Variants in SEMA3E observed in about 807,000 individuals in gnomAD.
SEMA3E encodes the protein semaphorin 3E.
SEMA3E carries 49 observed loss-of-function variants against 93.6 expected under a neutral mutation model. The ratio of observed to expected loss-of-function variants is 0.52; its 90% CI spans 0.42 to 0.66. The LOEUF is 0.66. Ranked by LOEUF, SEMA3E falls within the 30% of genes least tolerant of loss-of-function variation. The pLI is 0.00. For missense variants in SEMA3E, 906 were observed against 964.8 expected, an observed-to-expected ratio of 0.94 and a Z score of 0.81; for synonymous variants, 363 against 330.7, an observed-to-expected ratio of 1.10 and a Z score of -1.06.
chr7:83,534,380 G>C (rs1680932550), intron 1 of SEMA3E, among the ~76,000 whole-genome samples: 1 of 151,768 alleles, frequency 6.6e-6, no homozygotes, highest in African/African-American at 2.4e-5. Context: ...AATTCTCTTG[G>C]GTTTCTAAGG....
chr7:83,610,209 C>T (rs1793221601), intron 1 of SEMA3E, among the ~76,000 whole-genome samples: 1 of 151,964 alleles, frequency 6.6e-6, no homozygotes, highest in South Asian at 2.1e-4. Context: ...ACCAATCTAT[C>T]CTGTCTTTCT....
intron 2 of SEMA3E, among the ~76,000 whole-genome samples, chr7:83,476,913 A>G (rs1562799251): frequency 6.6e-6 from 1 of 152,194 alleles, no homozygotes; most frequent in Non-Finnish European, 1.5e-5. Context: ...TACCCCTACA[A>G]TATAATTTAA....
chr7:83,553,020 A>G (rs1385234912), intron 1 of SEMA3E, among the ~76,000 whole-genome samples: 1 of 152,092 alleles, frequency 6.6e-6, no homozygotes, highest in African/African-American at 2.4e-5. Context: ...CCTTTGAAGC[A>G]TGTGATCTTT....
chr7:83,419,880 T>G (rs943244480), intron 4 of SEMA3E, among the ~76,000 whole-genome samples: 12 of 152,148 alleles, frequency 7.9e-5, no homozygotes, highest in African/African-American at 2.9e-4. Flanking sequence ...GGACACAAGC[T>G]GGAAGCATTC....
At chr7:83,621,329 C>T (rs1793552049) in intron 1 of SEMA3E, among the ~76,000 whole-genome samples, 1 of 152,090 alleles carries the variant, frequency 6.6e-6, no homozygotes, top group African/African-American at 2.4e-5. Flanking sequence ...CAAGCCAGTG[C>T]TCAATGAAAT....
intron 1 of SEMA3E, among the ~76,000 whole-genome samples, chr7:83,622,749 G>A (rs556390437): frequency 5.9e-5 from 9 of 152,240 alleles, no homozygotes; most frequent in African/African-American, 1.4e-4. Flanking sequence ...CAAGCACAGC[G>A]TGTTCTCACT....
At chr7:83,420,595 A>G (rs545788705) in intron 4 of SEMA3E, among the ~76,000 whole-genome samples, 2 of 152,354 alleles carry the variant, frequency 1.3e-5, no homozygotes, top group South Asian at 2.1e-4. Context: ...TACAGTAAGT[A>G]TAACAGCTTG....
intron 1 of SEMA3E, among the ~76,000 whole-genome samples, chr7:83,648,045 TC>T (rs1353876424): frequency 6.6e-6 from 1 of 152,156 alleles, no homozygotes; most frequent in African/African-American, 2.4e-5. Context: ...CATCCTTGTT[TC>T]TCATATGCAT....
intron 16 of SEMA3E, among the ~76,000 whole-genome samples, chr7:83,382,089 T>G (rs539971677): frequency 1.3e-5 from 2 of 152,156 alleles, no homozygotes; most frequent in South Asian, 4.1e-4. Context: ...GAACTTCTGC[T>G]ATAAGCAGTT....
intron 16 of SEMA3E, among the ~76,000 whole-genome samples, chr7:83,377,268 TC>T (rs1223457985): frequency 3.3e-5 from 5 of 151,982 alleles, no homozygotes. Context: ...AAAGACTTTT[TC>T]CCCCCAAAAT....
At chr7:83,595,311 T>G (rs557718893) in intron 1 of SEMA3E, among the ~76,000 whole-genome samples, 1 of 152,204 alleles carries the variant, frequency 6.6e-6, no homozygotes, top group Admixed American at 6.6e-5. Flanking sequence ...TTTCTTTATG[T>G]AACACATTTC....
chr7:83,623,920 T>TG (rs1420564340), intron 1 of SEMA3E, among the ~76,000 whole-genome samples: 2 of 113,822 alleles, frequency 1.8e-5, no homozygotes, highest in African/African-American at 6.8e-5. Context: ...ATCCCCTCCC[T>TG]GTGCCCATGT....
chr7:83,607,304 G>A (rs1366279923), intron 1 of SEMA3E, among the ~76,000 whole-genome samples: 1 of 152,170 alleles, frequency 6.6e-6, no homozygotes, highest in East Asian at 1.9e-4. Context: ...GAAAATCACT[G>A]GAGGTTTAGG....
intron 1 of SEMA3E, among the ~76,000 whole-genome samples, chr7:83,542,653 C>G (rs1030836822): frequency 6.6e-6 from 1 of 151,958 alleles, no homozygotes; most frequent in Non-Finnish European, 1.5e-5. Context: ...ATATTTCACC[C>G]TAGAAAGCAG....
intron 16 of SEMA3E, 22 bp downstream of exon 16, chr7:83,385,272 T>A: frequency 6.2e-7 from 1 of 1,612,490 alleles, no homozygotes. Flanking sequence ...TACTATGTTT[T>A]GAATATGCAG....
intron 1 of SEMA3E, among the ~76,000 whole-genome samples, chr7:83,508,924 T>C (rs541142924): frequency 3.3e-5 from 5 of 152,112 alleles, no homozygotes; most frequent in Non-Finnish European, 5.9e-5. Flanking sequence ...TAATAGCAAA[T>C]TCGTTAAGTA....
intron 1 of SEMA3E, among the ~76,000 whole-genome samples, chr7:83,545,769 G>A (rs1791636089): frequency 6.8e-6 from 1 of 147,996 alleles, no homozygotes; most frequent in Non-Finnish European, 1.5e-5. Flanking sequence ...GTTTATGTGT[G>A]TATCCAGTAG....
chr7:83,546,318 AGG>A lies in SEMA3E; in HGVS notation c.116-56046_116-56045del, dbSNP rs1491582455. Among the ~76,000 whole-genome samples the A allele has an allele frequency of 7.5e-5, 8 of 105,964 alleles. No individual in the cohort carries two copies. The Admixed American group carries it at 9.2e-4, about 12-fold the overall frequency. The allele number at this position is 105,964 out of a possible 152,430, so 69.5% of individuals were successfully genotyped here. ...AAACATGTTAAGATGCATTATAATA[AGG>A]GGTGTGTGTGTGTGTGTGTGTGTGT... On this transcript the variant is annotated intron_variant, in intron 1 of 16. Coordinates refer to ENST00000643230, the MANE Select transcript of SEMA3E (RefSeq NM_012431.3).
intron 1 of SEMA3E, among the ~76,000 whole-genome samples, chr7:83,534,652 A>T (rs551445908): frequency 6.6e-6 from 1 of 152,150 alleles, no homozygotes; most frequent in Admixed American, 6.6e-5. Context: ...CAGGTCTGTC[A>T]CTTGTTTCTA....
Sources: allele counts gnomAD v4.1 joint callset (sites outside exome capture counted in the v4.1 genomes callset), GRCh38; gene constraint gnomAD v4.1.1; transcripts MANE v1.5; gene names NCBI Gene and HGNC (gene_info 2026-07-23, HGNC 2026-07-21).